NRXN1: variants seen among roughly 807,000 people sequenced by gnomAD.
The protein encoded by NRXN1 is neurexin-1.
Under a neutral mutation model 150.9 loss-of-function variants are expected in NRXN1, and 39 were observed. The observed-to-expected ratio is 0.26, with a 90% CI of 0.20 to 0.34. The LOEUF is 0.34. Among genes scored for constraint, NRXN1 ranks in the 10% least tolerant of loss-of-function variants. The probability of loss-of-function intolerance (pLI) is 1.00; values close to 1 mark genes in which losing one functional copy is unlikely to be tolerated. For synonymous variants in NRXN1, 924 were observed against 757.0 expected, an observed-to-expected ratio of 1.22 and a Z score of -3.62; for missense variants, 1,815 against 1,949.9, an observed-to-expected ratio of 0.93 and a Z score of 1.30.
At chr2:50,158,610 G>GA (rs1206007320) in intron 18 of NRXN1, among the ~76,000 whole-genome samples, 5 of 151,438 alleles carry the variant, frequency 3.3e-5, no homozygotes, top group Non-Finnish European at 5.9e-5. Flanking sequence ...CTTTGTGAAG[G>GA]AAAAAAAACA....
chr2:49,943,787 G>C lies in NRXN1; in HGVS notation c.4133C>G (p.Thr1378Arg), dbSNP rs571656437. 1.2e-6 allele frequency: 2 copies of C among 1,608,764 alleles called. No homozygotes were observed. The highest frequency in any genetic ancestry group is 2.7e-5 in the African/African-American group (2 of 74,962). The part of the protein sequence containing the change: ...PPTKEPISQT[T>R]DDILVASAEC... ...TGCTGAGGCCACAAGGATGTCATCT[G>C]TGGTCTGCAAAAGAATCACATTCAG... The change falls in exon 22 of 23, where the codon ACA (threonine) becomes AGA (arginine). Residue 1378 changes from threonine to arginine, a missense_variant. Thr to Arg is a moderately conservative substitution (Grantham distance 71). Coordinates refer to ENST00000401669, the MANE Select transcript of NRXN1 (RefSeq NM_001330078.2).
intron 5 of NRXN1, among the ~76,000 whole-genome samples, chr2:50,773,792 C>T (rs1375809442): frequency 2.0e-5 from 3 of 152,030 alleles, no homozygotes; most frequent in Non-Finnish European, 2.9e-5. Context: ...CTGGCAGAAG[C>T]GAAGGACAAG....
chr2:50,351,708 T>A (rs2078425157), intron 17 of NRXN1, among the ~76,000 whole-genome samples: 1 of 152,156 alleles, frequency 6.6e-6, no homozygotes, highest in African/African-American at 2.4e-5. Context: ...AATGAATTAA[T>A]TCATATAATC....
intron 5 of NRXN1, among the ~76,000 whole-genome samples, chr2:50,848,358 G>C (rs1163456630): frequency 6.6e-6 from 1 of 152,110 alleles, no homozygotes; most frequent in Non-Finnish European, 1.5e-5. Flanking sequence ...TCCTCCTAAT[G>C]TCTATGCTCC....
At chr2:50,362,702 C>G (rs2079307273) in intron 17 of NRXN1, among the ~76,000 whole-genome samples, 1 of 152,176 alleles carries the variant, frequency 6.6e-6, no homozygotes, top group South Asian at 2.1e-4. Context: ...TTTTTCCCAT[C>G]AAGCTACCAT....
intron 5 of NRXN1, chr2:50,916,869 T>A (rs1198877434): frequency 2.6e-5 from 4 of 151,650 alleles, no homozygotes; most frequent in Non-Finnish European, 5.9e-5. Context: ...ACAAGATTGG[T>A]TAAATCACAG....
chr2:50,683,271 T>C (rs1416893431), intron 5 of NRXN1, among the ~76,000 whole-genome samples: 2 of 151,942 alleles, frequency 1.3e-5, no homozygotes, highest in Non-Finnish European at 2.9e-5. Context: ...TGGAAGTGGC[T>C]CCTATATGAA....
chr2:50,442,544 G>C (rs190597593), intron 17 of NRXN1, among the ~76,000 whole-genome samples: 1 of 152,212 alleles, frequency 6.6e-6, no homozygotes, highest in Admixed American at 6.5e-5. Flanking sequence ...GAAGTACCAG[G>C]ACTTCAATTT....
At chr2:50,811,214 C>A (rs1448616775) in intron 5 of NRXN1, among the ~76,000 whole-genome samples, 1 of 152,124 alleles carries the variant, frequency 6.6e-6, no homozygotes, top group Non-Finnish European at 1.5e-5. Flanking sequence ...ACTGATGATT[C>A]CTTGAAACAT....
At chr2:50,623,767 C>T (rs1680479448) in intron 5 of NRXN1, 152 bp from the exon 6 acceptor site, 1 of 576,804 alleles carries the variant, frequency 1.7e-6, no homozygotes, top group South Asian at 2.6e-5. Context: ...CAGTACTGTA[C>T]AGGGCAGTAT....
At chr2:50,417,832 C>G (rs547440533) in intron 17 of NRXN1, among the ~76,000 whole-genome samples, 2 of 151,640 alleles carry the variant, frequency 1.3e-5, no homozygotes, top group East Asian at 3.9e-4. Flanking sequence ...TCCAAGAAAC[C>G]GAAAAGTGCA....
intron 5 of NRXN1, among the ~76,000 whole-genome samples, chr2:50,884,693 T>C (rs889274870): frequency 4.6e-5 from 7 of 151,548 alleles, no homozygotes; most frequent in Non-Finnish European, 1.0e-4. Flanking sequence ...TGAAACTCTA[T>C]GATAGTTTGA....
chr2:50,348,515 G>C (rs1327619916), intron 17 of NRXN1, among the ~76,000 whole-genome samples: 1 of 152,122 alleles, frequency 6.6e-6, no homozygotes, highest in African/African-American at 2.4e-5. Flanking sequence ...GCTAACAGTG[G>C]AACTCCTCCT....
intron 17 of NRXN1, among the ~76,000 whole-genome samples, chr2:50,253,511 C>A (rs1007792836): frequency 1.3e-5 from 2 of 152,056 alleles, no homozygotes; most frequent in Non-Finnish European, 2.9e-5. Context: ...AGAATTCTTC[C>A]AGCTTTTTCC....
chr2:50,166,432 A>G (rs959915088), intron 18 of NRXN1, among the ~76,000 whole-genome samples: 1 of 151,922 alleles, frequency 6.6e-6, no homozygotes, highest in Non-Finnish European at 1.5e-5. Context: ...AGAACTGAAT[A>G]CTGGTAACAT....
intron 19 of NRXN1, among the ~76,000 whole-genome samples, chr2:50,077,774 G>C (rs1157261663): frequency 2.0e-5 from 3 of 152,002 alleles, no homozygotes; most frequent in African/African-American, 7.2e-5. Flanking sequence ...ACAGGCTTAT[G>C]TTAGATATAT....
intron 5 of NRXN1, among the ~76,000 whole-genome samples, chr2:50,849,073 A>C (rs1022755205): frequency 6.6e-6 from 1 of 152,158 alleles, no homozygotes; most frequent in Non-Finnish European, 1.5e-5. Flanking sequence ...GACCAACTCA[A>C]ATCTCTCCTC....
At chr2:50,714,996 C>T (rs922983995) in intron 5 of NRXN1, among the ~76,000 whole-genome samples, 5 of 152,078 alleles carry the variant, frequency 3.3e-5, no homozygotes, top group Non-Finnish European at 1.5e-5. Flanking sequence ...TGACCCATAA[C>T]ATCCCCAAAG....
At chr2:50,651,375 G>A (rs557867186) in intron 5 of NRXN1, among the ~76,000 whole-genome samples, 2 of 152,080 alleles carry the variant, frequency 1.3e-5, no homozygotes, top group South Asian at 2.1e-4. Context: ...CACTTTGGGA[G>A]GCCGAGGCAA....
Sources: gnomAD v4.1 joint callset for allele counts (sites outside exome capture counted in the v4.1 genomes callset) on GRCh38, gnomAD v4.1.1 for gene constraint, MANE v1.5 for transcripts, NCBI Gene and HGNC (gene_info 2026-07-23, HGNC 2026-07-21) for gene names.